LHFPL2: variants seen among roughly 807,000 people sequenced by gnomAD.
LHFPL2 encodes LHFPL tetraspan subfamily member 2.
LHFPL2 carries 7 observed loss-of-function variants against 17.5 expected under a neutral mutation model. That is an observed-to-expected ratio of 0.40 (90% CI 0.23 to 0.75). LHFPL2 has a LOEUF of 0.75. LHFPL2 is among the 30% of genes least tolerant of loss of function. The probability of loss-of-function intolerance (pLI) is 0.37; values close to 1 mark genes in which losing one functional copy is unlikely to be tolerated. For missense variants in LHFPL2, 241 were observed against 294.8 expected (o/e 0.82, Z 1.34); for synonymous variants, 134 against 116.2 (o/e 1.15, Z -0.99).
intron 2 of LHFPL2, among the ~76,000 whole-genome samples, chr5:78,586,326 G>C (rs764093193): frequency 5.3e-5 from 8 of 152,206 alleles, no homozygotes; most frequent in Non-Finnish European, 1.0e-4. Context: ...CGTACTGCCT[G>C]TTGCCATTCT....
chr5:78,604,603 CAG>C (rs1318698676), intron 2 of LHFPL2, among the ~76,000 whole-genome samples: 30 of 152,158 alleles, frequency 2.0e-4, no homozygotes, highest in Admixed American at 6.5e-4. Context: ...AAAGTTCAAA[CAG>C]AGAATAATAA....
intron 2 of LHFPL2, among the ~76,000 whole-genome samples, 177 bp downstream of exon 2, chr5:78,632,087 G>A (rs1209021938): frequency 6.6e-6 from 1 of 152,144 alleles, no homozygotes; most frequent in East Asian, 1.9e-4. Flanking sequence ...GCCATGCCCA[G>A]GAGCAAGCCA....
At chr5:78,551,059 T>C (rs1307403888) in intron 3 of LHFPL2, among the ~76,000 whole-genome samples, 1 of 152,236 alleles carries the variant, frequency 6.6e-6, no homozygotes, top group African/African-American at 2.4e-5. Flanking sequence ...CAAAACATCC[T>C]ACCATTCCTT....
chr5:78,581,762 G>C (rs1046884973), intron 2 of LHFPL2, among the ~76,000 whole-genome samples: 15 of 152,084 alleles, frequency 9.9e-5, no homozygotes, highest in African/African-American at 3.6e-4. Flanking sequence ...TTTTTTGGTT[G>C]TGCCTCTACC....
intron 2 of LHFPL2, among the ~76,000 whole-genome samples, chr5:78,628,922 A>G (rs1373741800): frequency 6.6e-6 from 1 of 152,226 alleles, no homozygotes. Context: ...AGGAGGTCTG[A>G]AGGGAGCCAA....
chr5:78,583,586 T>A (rs1393137585), intron 2 of LHFPL2, among the ~76,000 whole-genome samples: 3 of 151,760 alleles, frequency 2.0e-5, no homozygotes, highest in Non-Finnish European at 4.4e-5. Flanking sequence ...AAAATTCTTT[T>A]CTTTAAGAAT....
At chr5:78,490,672 C>T (rs1210701598) in intron 4 of LHFPL2, among the ~76,000 whole-genome samples, 2 of 140,696 alleles carry the variant, frequency 1.4e-5, no homozygotes, top group African/African-American at 5.5e-5. Context: ...CGCTTGAACC[C>T]GGGAGGTGGA....
intron 4 of LHFPL2, among the ~76,000 whole-genome samples, chr5:78,507,632 G>A (rs1156270909): frequency 6.6e-6 from 1 of 152,138 alleles, no homozygotes; most frequent in Non-Finnish European, 1.5e-5. Context: ...ATGGCCACTG[G>A]TTTGCTCGAA....
intron 1 of LHFPL2, among the ~76,000 whole-genome samples, chr5:78,638,970 A>G (rs537289146): frequency 6.6e-6 from 1 of 152,354 alleles, no homozygotes; most frequent in East Asian, 1.9e-4. Context: ...TAAGTTTTTA[A>G]AATTTTTTAA....
chr5:78,645,158 A>C (rs1268431855), intron 1 of LHFPL2, among the ~76,000 whole-genome samples: 1 of 152,000 alleles, frequency 6.6e-6, no homozygotes, highest in African/African-American at 2.4e-5. Context: ...AGGCAAGGAC[A>C]CCCAACATGC....
At chr5:78,496,724 G>A (rs531763735) in intron 4 of LHFPL2, among the ~76,000 whole-genome samples, 1 of 152,068 alleles carries the variant, frequency 6.6e-6, no homozygotes, top group Admixed American at 6.5e-5. Flanking sequence ...GGAAAACTCT[G>A]ACAGGACAGT....
chr5:78,493,214 G>GTCCTC (rs1248783033), intron 4 of LHFPL2, among the ~76,000 whole-genome samples: 2 of 152,284 alleles, frequency 1.3e-5, no homozygotes, highest in African/African-American at 4.8e-5. Context: ...GCCACACGTA[G>GTCCTC]TCCTCCCCTC....
At position 78,520,773 on chromosome 5, in the gene LHFPL2, C is replaced by T. The variant is rs142905513; in HGVS notation, c.-185-10375G>A. Among the ~76,000 whole-genome samples, 28 of 152,180 alleles carry T rather than the reference C, an allele frequency of 1.8e-4. No individual in the cohort carries two copies. In the East Asian group the frequency reaches 3.5e-3, roughly 19 times the overall value. ...ACTCTGACTTCTACTCTTGGGAAAA[C>T]GGTAGAGCATTTCCCACTACGGTCT... On this transcript the variant is annotated intron_variant, in intron 3 of 4. Coordinates refer to ENST00000380345, the MANE Select transcript of LHFPL2 (RefSeq NM_005779.3).
chr5:78,608,127 T>C (rs1252128519), intron 2 of LHFPL2, among the ~76,000 whole-genome samples: 1 of 152,182 alleles, frequency 6.6e-6, no homozygotes, highest in Non-Finnish European at 1.5e-5. Flanking sequence ...ATTAATCACA[T>C]GGATCTGGGA....
chr5:78,543,106 TA>T (rs1435152589), intron 3 of LHFPL2, among the ~76,000 whole-genome samples: 3 of 152,148 alleles, frequency 2.0e-5, no homozygotes, highest in Admixed American at 2.0e-4. Context: ...ACCTGCATAA[TA>T]AAAGATGGTG....
intron 3 of LHFPL2, among the ~76,000 whole-genome samples, chr5:78,515,163 G>C (rs1218811645): frequency 6.6e-6 from 1 of 152,104 alleles, no homozygotes; most frequent in Non-Finnish European, 1.5e-5. Context: ...CCCCTGCCCT[G>C]TTTTTAATAG....
In LHFPL2 at chr5:78,488,822, CTTGACTCAAA is replaced by C. The variant is rs1754337803; in HGVS notation, c.*65_*74del. 2.2e-5 allele frequency: 34 copies of C among 1,549,116 alleles called. No homozygotes were observed. The South Asian group carries it at 3.9e-4, about 18-fold the overall frequency. On this transcript the variant is annotated 3_prime_UTR_variant, in exon 5 of 5. Coordinates refer to ENST00000380345, the MANE Select transcript of LHFPL2 (RefSeq NM_005779.3). ...TTGGTAGGTAAAGGTTAGTTCTCCA[CTTGACTCAAA>C]TGATGAAACTGTGGACTGTTTCACA... is the stretch of plus-strand genomic sequence containing the variant.
intron 2 of LHFPL2, among the ~76,000 whole-genome samples, chr5:78,631,411 G>A (rs1561373657): frequency 6.6e-6 from 1 of 152,178 alleles, no homozygotes; most frequent in Non-Finnish European, 1.5e-5. Context: ...TGGGATGAAC[G>A]TTCTTCCACT....
rs142526564 is a variant in LHFPL2, at chr5:78,547,728, A to T, written c.-186+17085T>A. On this transcript the variant is annotated intron_variant, in intron 3 of 4. Coordinates refer to ENST00000380345, the MANE Select transcript of LHFPL2 (RefSeq NM_005779.3). Reference sequence around the variant, plus strand: ...GATAACAAAGCAGCTGGAGAAAGTCATTGCTTCAGAAAGCACCAGGACTAG... The same window carrying T: ...GATAACAAAGCAGCTGGAGAAAGTCTTTGCTTCAGAAAGCACCAGGACTAG... Among the ~76,000 whole-genome samples, 41 of 152,320 alleles carry T rather than the reference A, an allele frequency of 2.7e-4. 2 individuals are homozygous for T. The East Asian group carries it at 7.9e-3, about 29-fold the overall frequency.
Sources: allele counts gnomAD v4.1 joint callset (sites outside exome capture counted in the v4.1 genomes callset), GRCh38; gene constraint gnomAD v4.1.1; transcripts MANE v1.5; gene names NCBI Gene and HGNC (gene_info 2026-07-23, HGNC 2026-07-21).